The following KDM4C variants were observed in gnomAD, a reference collection of about 807,000 sequenced individuals.
KDM4C encodes lysine-specific demethylase 4C.
In KDM4C, 81 loss-of-function variants were observed where a neutral mutation model predicts 129.3. The ratio of observed to expected loss-of-function variants is 0.63; its 90% CI spans 0.52 to 0.75. KDM4C has a LOEUF of 0.75. KDM4C is among the 30% of genes least tolerant of loss of function. The pLI is 0.00. For missense variants in KDM4C, 1,457 were observed against 1,304.0 expected (o/e 1.12, Z -1.81); for synonymous variants, 573 against 456.1 (o/e 1.26, Z -3.26).
intron 15 of KDM4C, among the ~76,000 whole-genome samples, chr9:7,042,292 G>A (rs1044840665): frequency 1.3e-5 from 2 of 152,018 alleles, no homozygotes; most frequent in Non-Finnish European, 2.9e-5. Context: ...ATTGTGATAT[G>A]TCATGGCTCT....
chr9:6,842,043 T>C (rs527704969), intron 4 of KDM4C, among the ~76,000 whole-genome samples: 1 of 152,334 alleles, frequency 6.6e-6, no homozygotes, highest in Admixed American at 6.5e-5. Context: ...ATAGAGTGGA[T>C]TCCTGTTAGG....
chr9:6,946,104 T>G (rs1826913951), intron 8 of KDM4C, among the ~76,000 whole-genome samples: 1 of 152,166 alleles, frequency 6.6e-6, no homozygotes, highest in Non-Finnish European at 1.5e-5. Flanking sequence ...CCTATGGTAT[T>G]GCTTGTGTAA....
At chr9:7,065,120 T>C (rs778496179) in intron 17 of KDM4C, among the ~76,000 whole-genome samples, 1 of 152,144 alleles carries the variant, frequency 6.6e-6, no homozygotes, top group Non-Finnish European at 1.5e-5. Context: ...CAAAGGGAAT[T>C]TGCATTAAGA....
At chr9:6,969,076 C>T (rs1831487863) in intron 8 of KDM4C, among the ~76,000 whole-genome samples, 1 of 152,040 alleles carries the variant, frequency 6.6e-6, no homozygotes, top group Non-Finnish European at 1.5e-5. Flanking sequence ...CCTGGGACCA[C>T]AGGCACGGAT....
rs75272448 is a variant in KDM4C at position 7,130,155 on chromosome 9, T to G, written c.2781+1919T>G. 2.8e-3 allele frequency among the ~76,000 whole-genome samples: 432 copies of G among 152,336 alleles called. 4 individuals carry two copies. The highest frequency in any genetic ancestry group is 9.9e-3 in the African/African-American group (410 of 41,570). Reference sequence around the variant, plus strand: ...CTTCTCTTGTGAAGACTGTGAATATTGAGCTGGCAAAAGACAGAAGACCTT... The same window carrying G: ...CTTCTCTTGTGAAGACTGTGAATATGGAGCTGGCAAAAGACAGAAGACCTT... On this transcript the variant is annotated intron_variant, in intron 19 of 21. Coordinates refer to ENST00000381309, the MANE Select transcript of KDM4C (RefSeq NM_015061.6).
intron 12 of KDM4C, among the ~76,000 whole-genome samples, chr9:7,003,381 A>G (rs986536525): frequency 6.6e-6 from 1 of 151,434 alleles, no homozygotes; most frequent in African/African-American, 2.4e-5. Flanking sequence ...TGGTAATGCC[A>G]TAGTTCCTGG....
intron 19 of KDM4C, among the ~76,000 whole-genome samples, chr9:7,149,953 T>G (rs1842577753): frequency 6.6e-6 from 1 of 152,228 alleles, no homozygotes; most frequent in Admixed American, 6.5e-5. Context: ...GGAGTTGAAC[T>G]TGGAAGATTT....
intron 1 of KDM4C, among the ~76,000 whole-genome samples, chr9:6,772,553 G>A (rs1258236687): frequency 6.6e-6 from 1 of 152,130 alleles, no homozygotes; most frequent in Non-Finnish European, 1.5e-5. Flanking sequence ...TAGAGACAGG[G>A]TTTATCCATG....
intron 5 of KDM4C, among the ~76,000 whole-genome samples, chr9:6,859,147 T>C (rs1226112112): frequency 6.6e-6 from 1 of 152,132 alleles, no homozygotes; most frequent in East Asian, 1.9e-4. Context: ...TGAAGTCCTT[T>C]GATGTTTGCC....
intron 4 of KDM4C, among the ~76,000 whole-genome samples, chr9:6,823,361 A>G (rs139792263): frequency 1.3e-5 from 2 of 152,336 alleles, no homozygotes; most frequent in African/African-American, 4.8e-5. Context: ...GGAGCAATTT[A>G]GCCTTTGGAT....
intron 17 of KDM4C, among the ~76,000 whole-genome samples, chr9:7,053,146 C>T (rs1166018830): frequency 6.6e-6 from 1 of 152,112 alleles, no homozygotes; most frequent in Non-Finnish European, 1.5e-5. Flanking sequence ...AAAATGTCTT[C>T]CATTATATGA....
At chr9:7,049,577 A>G (rs1009016767) in intron 17 of KDM4C, among the ~76,000 whole-genome samples, 3 of 152,114 alleles carry the variant, frequency 2.0e-5, no homozygotes, top group Non-Finnish European at 4.4e-5. Flanking sequence ...TAACCTAGCA[A>G]AATGTATCTA....
chr9:6,912,509 A>G (rs193064123), intron 8 of KDM4C, among the ~76,000 whole-genome samples: 21 of 152,358 alleles, frequency 1.4e-4, no homozygotes, highest in African/African-American at 4.3e-4. Context: ...TCTGCCAAAC[A>G]CAGTGGATAA....
chr9:6,869,199 G>A (rs1249386528), intron 5 of KDM4C, among the ~76,000 whole-genome samples: 1 of 152,186 alleles, frequency 6.6e-6, no homozygotes, highest in African/African-American at 2.4e-5. Context: ...ATGACTGCCT[G>A]CACATATGGT....
intron 4 of KDM4C, among the ~76,000 whole-genome samples, chr9:6,824,926 C>G (rs1472648179): frequency 1.3e-5 from 2 of 151,830 alleles, no homozygotes; most frequent in Non-Finnish European, 2.9e-5. Context: ...GGTGGATCAC[C>G]TGAGGTCAAG....
intron 17 of KDM4C, among the ~76,000 whole-genome samples, chr9:7,098,554 T>G (rs1444118454): frequency 3.3e-5 from 5 of 152,312 alleles, no homozygotes; most frequent in East Asian, 1.9e-4. Context: ...ATCGTATCAC[T>G]CATATGTGGG....
At chr9:6,827,632 TC>T (rs1834110708) in intron 4 of KDM4C, among the ~76,000 whole-genome samples, 2 of 152,236 alleles carry the variant, frequency 1.3e-5, no homozygotes, top group Non-Finnish European at 1.5e-5. Flanking sequence ...CCAGGAGAGT[TC>T]CTTTCCATTT....
At chr9:6,944,651 G>C (rs978790884) in intron 8 of KDM4C, among the ~76,000 whole-genome samples, 1 of 47,486 alleles carries the variant, frequency 2.1e-5, no homozygotes, top group South Asian at 1.7e-3. Context: ...TCAAGGTAGA[G>C]GTTTTTTTTT....
chr9:6,789,331 C>T (rs1189375350), intron 1 of KDM4C, among the ~76,000 whole-genome samples: 1 of 151,210 alleles, frequency 6.6e-6, no homozygotes, highest in African/African-American at 2.4e-5. Flanking sequence ...AGCAATTCTC[C>T]CGCCTCAGCC....
Sources: gnomAD v4.1 joint callset for allele counts (sites outside exome capture counted in the v4.1 genomes callset) on GRCh38, gnomAD v4.1.1 for gene constraint, MANE v1.5 for transcripts, NCBI Gene and HGNC (gene_info 2026-07-23, HGNC 2026-07-21) for gene names.